Variants in EAF2 observed in about 807,000 individuals in gnomAD.
The protein encoded by EAF2 is ELL-associated factor 2.
A neutral mutation model predicts 29.4 loss-of-function variants in EAF2; 29 were observed. That is an observed-to-expected ratio of 0.99 (90% CI 0.73 to 1.35). The LOEUF (loss-of-function observed/expected upper bound fraction) is 1.35. Ranked by LOEUF, EAF2 falls within the 40% of genes most tolerant of loss-of-function variation. The probability of loss-of-function intolerance (pLI) is 0.00; values close to 1 mark genes in which losing one functional copy is unlikely to be tolerated. For synonymous variants in EAF2, 103 were observed against 102.5 expected (o/e 1.00, Z -0.03); for missense variants, 292 against 312.0 (o/e 0.94, Z 0.48).
chr3:121,854,513 T>C (rs140405652), intron 2 of EAF2, among the ~76,000 whole-genome samples, 174 bp from the exon 3 acceptor site: 4 of 152,238 alleles, frequency 2.6e-5, no homozygotes, highest in African/African-American at 9.6e-5. Context: ...TTTCAGCCTA[T>C]CTTCATCTGT....
intron 4 of EAF2, among the ~76,000 whole-genome samples, chr3:121,864,670 G>A (rs776720410): frequency 9.2e-5 from 14 of 151,780 alleles, no homozygotes; most frequent in Non-Finnish European, 2.1e-4. Flanking sequence ...TGCAAAATTA[G>A]CTGGGTGTGG....
chr3:121,850,597 G>C (rs945479585), intron 2 of EAF2, among the ~76,000 whole-genome samples: 8 of 151,814 alleles, frequency 5.3e-5, no homozygotes, highest in Non-Finnish European at 7.4e-5. Context: ...AAGCACCTAA[G>C]TTTTTGCCAA....
chr3:121,842,713 A>C (rs986249118), intron 1 of EAF2, among the ~76,000 whole-genome samples: 12 of 152,176 alleles, frequency 7.9e-5, no homozygotes, highest in African/African-American at 2.9e-4. Context: ...TCTCTGTGAT[A>C]CTTACTCAAG....
At chr3:121,837,923 A>G (rs1244411567) in intron 1 of EAF2, 4 of 152,294 alleles carry the variant, frequency 2.6e-5, no homozygotes, top group South Asian at 2.1e-4. Flanking sequence ...TAGTTTTACT[A>G]TTTATATCCA....
At chr3:121,850,991 G>A (rs1480932690) in intron 2 of EAF2, among the ~76,000 whole-genome samples, 3 of 152,060 alleles carry the variant, frequency 2.0e-5, no homozygotes, top group African/African-American at 4.8e-5. Context: ...GTGAGCCACC[G>A]TGCCCGGCCA....
Position 121,841,863 on chromosome 3 carries a change from G to A in EAF2, c.107-2590G>A, listed in dbSNP as rs556246282. 1.7e-4 allele frequency among the ~76,000 whole-genome samples: 26 copies of A among 152,002 alleles called. No homozygotes were observed. In the South Asian group the frequency reaches 5.4e-3, roughly 32 times the overall value. On this transcript the variant is annotated intron_variant, in intron 1 of 5. Transcript: ENST00000273668. ...TCTACTGAAAATACAAAAATTAGCC[G>A]GATATGGTGGTGCACGCCCGTAATC...
chr3:121,836,893 C>G (rs1708305852), intron 1 of EAF2: 3 of 695,058 alleles, frequency 4.3e-6, no homozygotes, highest in Non-Finnish European at 5.3e-6. Flanking sequence ...GGTATATATT[C>G]TCTTATGTAG....
rs771670026 is a variant in EAF2 at position 121,872,674 on chromosome 3, G to C, written c.622G>C (p.Asp208His). 50 of 1,612,808 alleles carry C rather than the reference G, an allele frequency of 3.1e-5. No homozygotes were observed. Among genetic ancestry groups the C allele is most frequent in the Non-Finnish European group, 3.9e-5 (46 of 1,179,220 alleles). ...TGAAGATTGCAAATCCTCTACTTCT[G>C]ATACAGGGAATTGTGTCTCAGGACA... ...EDEDCKSSTS[D>H]TGNCVSGHPT... Residue 208 changes from aspartate to histidine, a missense_variant, in exon 5 of 6, where the codon GAT (aspartate) becomes CAT (histidine). Asp to His is a moderately conservative substitution (Grantham distance 81). Coordinates refer to ENST00000273668, the MANE Select transcript of EAF2 (RefSeq NM_018456.6).
chr3:121,858,648 T>G (rs890200956), intron 4 of EAF2, among the ~76,000 whole-genome samples: 1 of 152,252 alleles, frequency 6.6e-6, no homozygotes, highest in African/African-American at 2.4e-5. Context: ...TAGTTTCTTT[T>G]GCTGTGCAGA....
intron 2 of EAF2, among the ~76,000 whole-genome samples, chr3:121,844,847 C>T (rs1708495028): frequency 6.6e-6 from 1 of 152,152 alleles, no homozygotes; most frequent in African/African-American, 2.4e-5. Context: ...AGTAACATAT[C>T]CCTTGCCTTC....
rs144356897 is a variant in EAF2 at position 121,872,594 on chromosome 3, A to G, written c.542A>G (p.Asp181Gly). The change falls in exon 5 of 6, where the codon GAT becomes GGT. Residue 181 changes from aspartate (D) to glycine (G), a missense_variant. Transcript: ENST00000273668. ...DQMSSCDSSS[D>G]SKSSSSSSSE... is the part of the protein sequence containing the mutation. The stretch of plus-strand genomic sequence containing the variant: ...ATGAGTAGTTGTGATAGTTCATCAG[A>G]TTCCAAAAGTTCATCATCTTCAAGT... 54 of 1,612,840 alleles carry G rather than the reference A, an allele frequency of 3.3e-5. No homozygotes were observed. The African/African-American group carries it at 7.1e-4, about 21-fold the overall frequency.
chr3:121,850,083 T>G (rs910691570), intron 2 of EAF2, among the ~76,000 whole-genome samples: 3 of 151,552 alleles, frequency 2.0e-5, no homozygotes, highest in Admixed American at 6.6e-5. Flanking sequence ...TTCTTCCTTT[T>G]ATTTAGCTGA....
chr3:121,859,900 G>A (rs9813023), intron 4 of EAF2, among the ~76,000 whole-genome samples: 56,442 of 151,984 alleles, frequency 0.37, 11,166 homozygotes, highest in East Asian at 0.71. Context: ...GATTTTTGTC[G>A]AAGGCCTTTT....
intron 5 of EAF2, chr3:121,873,286 T>A (rs889924843): frequency 2.2e-6 from 1 of 456,852 alleles, no homozygotes; most frequent in Non-Finnish European, 3.9e-6. Flanking sequence ...TTTGGCTCAC[T>A]GTGTTACCTC....
chr3:121,837,388 A>T (rs185291945), intron 1 of EAF2: 15 of 152,270 alleles, frequency 9.9e-5, no homozygotes, highest in East Asian at 5.8e-4. Context: ...AGCCAATGTC[A>T]TTGGAGAGAA....
intron 3 of EAF2, among the ~76,000 whole-genome samples, chr3:121,855,119 A>G (rs895913334): frequency 1.9e-4 from 29 of 152,322 alleles, no homozygotes; most frequent in Middle Eastern, 3.4e-3. Context: ...GCCATTATAC[A>G]TTCTCTAAAA....
chr3:121,869,914 G>C (rs1708983426), intron 4 of EAF2, among the ~76,000 whole-genome samples: 1 of 151,918 alleles, frequency 6.6e-6, no homozygotes, highest in African/African-American at 2.4e-5. Flanking sequence ...AAATATGATA[G>C]CTTTGTGCTC....
intron 1 of EAF2, among the ~76,000 whole-genome samples, chr3:121,840,805 CA>C (rs5852282): frequency 8.6e-4 from 75 of 86,894 alleles, no homozygotes; most frequent in African/African-American, 2.0e-3. Flanking sequence ...GACTCCGTCT[CA>C]AAAAAAAAAA....
chr3:121,843,427 G>A (rs1417739681), intron 1 of EAF2, among the ~76,000 whole-genome samples: 1 of 151,954 alleles, frequency 6.6e-6, no homozygotes, highest in African/African-American at 2.4e-5. Flanking sequence ...TAATCTTTTG[G>A]AACAATGGGT....
Sources: allele counts gnomAD v4.1 joint callset (sites outside exome capture counted in the v4.1 genomes callset), GRCh38; gene constraint gnomAD v4.1.1; transcripts MANE v1.5; gene names NCBI Gene and HGNC (gene_info 2026-07-23, HGNC 2026-07-21).